The following OR5M3 variants were observed in gnomAD, a reference collection of about 807,000 sequenced individuals.
OR5M3 encodes the protein olfactory receptor family 5 subfamily M member 3, also known as olfactory receptor 5M3.
For missense variants in OR5M3, 384 were observed against 378.6 expected (o/e 1.01, Z -0.12); for synonymous variants, 129 against 131.3 (o/e 0.98, Z 0.12).
chr11:56,472,789 A>T (rs921359143), intron 1 of OR5M3, among the ~76,000 whole-genome samples: 8 of 152,066 alleles, frequency 5.3e-5, no homozygotes, highest in East Asian at 1.9e-4. Context: ...TTTCCAGATC[A>T]GGTATGAAGC....
rs1274003232 is a variant in OR5M3 at position 56,469,856 on chromosome 11, G to A, written c.642C>T (p.Ile214=). Residue 214 remains isoleucine (I), a synonymous_variant, in exon 2 of 2, where the codon ATC becomes ATT. Coordinates refer to ENST00000641993, the MANE Select transcript of OR5M3 (RefSeq NM_001004742.3). ...TGGCAATGAGGATGAATAAGTAAGA[G>A]ATGATAATTACAGTCAGGGAATATG... is the stretch of plus-strand genomic sequence containing the variant. ...NFTYSLTVII[I]SYLFILIAIL... is the part of the protein sequence containing the mutation. 6.2e-7 allele frequency: 1 copy of A among 1,613,030 alleles called. No homozygotes were observed. Among genetic ancestry groups the A allele is most frequent in the Non-Finnish European group, 8.5e-7 (1 of 1,179,002 alleles).
chr11:56,472,609 A>C (rs568613308), intron 1 of OR5M3, among the ~76,000 whole-genome samples: 2 of 152,224 alleles, frequency 1.3e-5, no homozygotes, highest in East Asian at 3.9e-4. Context: ...ACAGGAAACT[A>C]GGGGTTAGAT....
intron 1 of OR5M3, 82 bp from the exon 2 acceptor site, chr11:56,470,623 G>A: frequency 1.8e-6 from 1 of 551,044 alleles, no homozygotes; most frequent in East Asian, 3.0e-5. Context: ...ATATCTATTA[G>A]CACACTTTGC....
intron 1 of OR5M3, among the ~76,000 whole-genome samples, chr11:56,471,761 G>T (rs1378715762): frequency 6.6e-6 from 1 of 151,712 alleles, no homozygotes; most frequent in African/African-American, 2.4e-5. Flanking sequence ...TGGATATTTT[G>T]TCAATGAGCA....
chr11:56,470,868 A>G (rs1487126094), intron 1 of OR5M3, among the ~76,000 whole-genome samples: 3 of 152,088 alleles, frequency 2.0e-5, no homozygotes, highest in Non-Finnish European at 2.9e-5. Flanking sequence ...ACAATGGATT[A>G]TAGTTATTTT....
intron 1 of OR5M3, among the ~76,000 whole-genome samples, chr11:56,472,001 C>T (rs1179237025): frequency 2.6e-5 from 4 of 151,928 alleles, no homozygotes; most frequent in Non-Finnish European, 5.9e-5. Flanking sequence ...TTAGCAGTTA[C>T]CCAGAAAATT....
At chr11:56,471,663 A>ATG (rs1327969467) in intron 1 of OR5M3, among the ~76,000 whole-genome samples, 1 of 151,896 alleles carries the variant, frequency 6.6e-6, no homozygotes. Context: ...GTATATACAT[A>ATG]TGTATATATA....
chr11:56,469,514 TA>T lies in OR5M3; in HGVS notation c.*59del. 9.0e-7 allele frequency: 1 copy of T among 1,115,830 alleles called. No individual in the cohort carries two copies. Among genetic ancestry groups the T allele is most frequent in the Non-Finnish European group, 1.3e-6 (1 of 789,580 alleles). The allele number at this position is 1,115,830 out of a possible 1,614,324, so 69.1% of individuals were successfully genotyped here. On this transcript the variant is annotated 3_prime_UTR_variant, in exon 2 of 2. Transcript: ENST00000641993. Reference sequence around the variant, plus strand: ...CTTAATGTTCCTAGGTACTGGGTAATAAACTTTTTCCAAACAAATAATAGAA... The same window carrying T: ...CTTAATGTTCCTAGGTACTGGGTAATAACTTTTTCCAAACAAATAATAGAA...
In OR5M3 at chr11:56,469,982, G is replaced by T. The variant is rs1213186285; in HGVS notation, c.516C>A (p.Ile172=). 6.2e-7 allele frequency: 1 copy of T among 1,613,480 alleles called. No homozygotes were observed. Among genetic ancestry groups the T allele is most frequent in the Non-Finnish European group, 8.5e-7 (1 of 1,179,610 alleles). The change falls in exon 2 of 2, where the codon ATC becomes ATA. Residue 172 remains isoleucine (I), a synonymous_variant. Transcript: ENST00000641993. ...GTGGATCTGCACAGTAGAAATGGTT[G>T]ATCTCAATTTTTCCACAGAAGTACA... ...YGLYFCGKIE[I]NHFYCADPPL...
intron 1 of OR5M3, among the ~76,000 whole-genome samples, chr11:56,473,017 GA>G (rs1853682140): frequency 6.6e-6 from 1 of 152,014 alleles, no homozygotes; most frequent in Non-Finnish European, 1.5e-5. Context: ...TAATAAATAT[GA>G]AAACAATTAT....
rs377584004 is a variant in OR5M3, at chr11:56,470,712, A to T, written c.-44-171T>A. On this transcript the variant is annotated intron_variant, in intron 1 of 1. Transcript: ENST00000641993. ...AATAAATGTAGACAGTCCCTATTAT[A>T]TAACAATTATACAAAGTTTAGTGAC... is the stretch of plus-strand genomic sequence containing the variant. Among the ~76,000 whole-genome samples, 4 of 152,246 alleles carry T rather than the reference A, an allele frequency of 2.6e-5. No individual in the cohort carries two copies. The East Asian group carries it at 7.7e-4, about 29-fold the overall frequency.
intron 1 of OR5M3, among the ~76,000 whole-genome samples, chr11:56,472,449 T>C (rs530608286): frequency 1.3e-5 from 2 of 152,098 alleles, no homozygotes; most frequent in South Asian, 4.1e-4. Flanking sequence ...AGAGGGATTC[T>C]TATTTGGAAA....
At position 56,469,857 on chromosome 11, in the gene OR5M3, A is replaced by G. The variant is rs746814629; in HGVS notation, c.641T>C (p.Ile214Thr). The G allele has an allele frequency of 5.0e-6, 8 of 1,613,124 alleles. No homozygotes were observed. In the South Asian group the frequency reaches 7.7e-5, roughly 16 times the overall value. Residue 214 changes from isoleucine to threonine, a missense_variant, in exon 2 of 2, where the codon ATC becomes ACC. Ile to Thr is a moderately conservative substitution (Grantham distance 89). Coordinates refer to ENST00000641993, the MANE Select transcript of OR5M3 (RefSeq NM_001004742.3). The part of the protein sequence containing the change: ...NFTYSLTVII[I>T]SYLFILIAIL... Reference sequence around the variant, plus strand: ...GGCAATGAGGATGAATAAGTAAGAGATGATAATTACAGTCAGGGAATATGT... The same window carrying G: ...GGCAATGAGGATGAATAAGTAAGAGGTGATAATTACAGTCAGGGAATATGT...
At chr11:56,472,572 C>A (rs548504286) in intron 1 of OR5M3, among the ~76,000 whole-genome samples, 1 of 152,058 alleles carries the variant, frequency 6.6e-6, no homozygotes, top group East Asian at 1.9e-4. Context: ...GACGGTTATC[C>A]AGGTGATAAA....
In OR5M3 at chr11:56,469,329, T is replaced by C. The variant is rs191455727; in HGVS notation, c.*245A>G. The C allele has an allele frequency of 1.0e-3, 323 of 314,988 alleles. 1 individual carries two copies. The highest frequency in any genetic ancestry group is 1.3e-3 in the Non-Finnish European group (226 of 172,996). The allele number at this position is 314,988 out of a possible 1,614,324, so 19.5% of individuals were successfully genotyped here. On this transcript the variant is annotated 3_prime_UTR_variant, in exon 2 of 2. Coordinates refer to ENST00000641993, the MANE Select transcript of OR5M3 (RefSeq NM_001004742.3). ...TTGCAGCTATTTGAGCAATTTCCCTTAGTACACCTATGAACTTTGGCACAC... is the reference window on the plus strand; with the variant it reads ...TTGCAGCTATTTGAGCAATTTCCCTCAGTACACCTATGAACTTTGGCACAC...
intron 1 of OR5M3, among the ~76,000 whole-genome samples, chr11:56,472,829 G>A (rs621826): frequency 0.17 from 26,168 of 151,666 alleles, 2,627 homozygotes; most frequent in Non-Finnish European, 0.23. Context: ...AAAGTGTTCT[G>A]TTTCTATCAT....
Position 56,469,484 on chromosome 11 carries a change from T to G in OR5M3, c.*90A>C. The G allele has an allele frequency of 1.5e-6, 1 of 683,510 alleles. No individual in the cohort carries two copies. The highest frequency in any genetic ancestry group is 2.3e-6 in the Non-Finnish European group (1 of 425,646). The allele number at this position is 683,510 out of a possible 1,614,324, so 42.3% of individuals were successfully genotyped here. A position where few individuals can be genotyped will look rare whatever the true frequency, so the allele number is the denominator to read the frequency against. ...TTTTCTTTTCAACCCACAGAATATC[T>G]TTATCTTAATGTTCCTAGGTACTGG... On this transcript the variant is annotated 3_prime_UTR_variant, in exon 2 of 2. Transcript: ENST00000641993.
At chr11:56,473,073 C>A (rs1166093943) in intron 1 of OR5M3, 148 bp downstream of exon 1, 1 of 152,010 alleles carries the variant, frequency 6.6e-6, no homozygotes, top group Non-Finnish European at 1.5e-5. Flanking sequence ...ATAATATAAT[C>A]CTATTGAAAA....
chr11:56,473,174 A>G (rs1049236849), intron 1 of OR5M3, 47 bp downstream of exon 1: 3 of 152,124 alleles, frequency 2.0e-5, no homozygotes, highest in Non-Finnish European at 4.4e-5. Flanking sequence ...AAAATCTCCA[A>G]TGCAAGCTCC....
Sources: gnomAD v4.1 joint callset for allele counts (sites outside exome capture counted in the v4.1 genomes callset) on GRCh38, gnomAD v4.1.1 for gene constraint, MANE v1.5 for transcripts, NCBI Gene and HGNC (gene_info 2026-07-23, HGNC 2026-07-21) for gene names.